The following PRELID2 variants were observed in gnomAD, a reference collection of about 807,000 sequenced individuals.
The protein encoded by PRELID2 is PRELI domain-containing protein 2.
A neutral mutation model predicts 28.4 loss-of-function variants in PRELID2; 25 were observed. The observed-to-expected ratio is 0.88, with a 90% CI of 0.64 to 1.23. The LOEUF (loss-of-function observed/expected upper bound fraction) is 1.23. Among genes scored for constraint, PRELID2 ranks in the 50% most tolerant of loss-of-function variants. The pLI is 0.00. For missense variants in PRELID2, 201 were observed against 214.4 expected (o/e 0.94, Z 0.39); for synonymous variants, 76 against 71.6 (o/e 1.06, Z -0.31).
chr5:145,627,394 T>C (rs772135687), intron 1 of PRELID2, among the ~76,000 whole-genome samples: 23 of 152,060 alleles, frequency 1.5e-4, no homozygotes, highest in Admixed American at 6.6e-5. Context: ...GGGTACAATG[T>C]ACCCTATTCA....
At chr5:145,532,987 G>A (rs982543687) in intron 1 of PRELID2, among the ~76,000 whole-genome samples, 4 of 152,008 alleles carry the variant, frequency 2.6e-5, no homozygotes, top group Non-Finnish European at 4.4e-5. Flanking sequence ...CCAGAAATGG[G>A]ATTTCTAGGT....
At chr5:145,286,696 G>GTTTT in the PRELID2 span, among the ~76,000 whole-genome samples, 20 of 116,996 alleles carry the variant, frequency 1.7e-4, no homozygotes, top group African/African-American at 7.5e-4. Flanking sequence ...CAACATAGAA[G>GTTTT]TTTTTGTTTT....
At chr5:145,671,651 A>G (rs1490435301) in intron 1 of PRELID2, among the ~76,000 whole-genome samples, 1 of 152,212 alleles carries the variant, frequency 6.6e-6, no homozygotes, top group Non-Finnish European at 1.5e-5. Context: ...CATCCACAGC[A>G]GACATCATTA....
rs142711249 is a variant in PRELID2, at chr5:145,531,223, G to A, written n.71-57908C>T. On this transcript the variant is annotated intron_variant and non_coding_transcript_variant, in intron 1 of 2. Coordinates refer to the PRELID2 transcript ENST00000510259. Reference sequence around the variant, plus strand: ...CTGATCTTGTGTATATTGAGGAAGTGGGGGAAGGACACCTCTTGATTCCCC... The same window carrying A: ...CTGATCTTGTGTATATTGAGGAAGTAGGGGAAGGACACCTCTTGATTCCCC... Among the ~76,000 whole-genome samples the A allele has an allele frequency of 6.7e-3, 1,021 of 152,180 alleles. 10 individuals are homozygous for A. The highest frequency in any genetic ancestry group is 0.011 in the Non-Finnish European group (725 of 68,004).
At chr5:145,798,627 T>C (rs1022234198) in intron 4 of PRELID2, among the ~76,000 whole-genome samples, 4 of 152,186 alleles carry the variant, frequency 2.6e-5, no homozygotes, top group African/African-American at 9.7e-5. Flanking sequence ...CCAACCCAAA[T>C]GTCCATCAAT....
intron 1 of PRELID2, among the ~76,000 whole-genome samples, chr5:145,554,420 G>A (rs575092037): frequency 1.2e-4 from 19 of 152,292 alleles, no homozygotes; most frequent in South Asian, 1.0e-3. Context: ...GGACACCACT[G>A]CTAACAGGAA....
In PRELID2 at chr5:145,819,968, C is replaced by T. The variant is rs142301961; in HGVS notation, c.184G>A (p.Val62Met). 6.7e-4 allele frequency: 1,078 copies of T among 1,607,442 alleles called. 5 individuals are homozygous for T. The highest frequency in any genetic ancestry group is 8.3e-4 in the Non-Finnish European group (975 of 1,175,996). Reference protein sequence around the residue: ...YRKRIAICQNVVPEILRKVSI... With the variant: ...YRKRIAICQNMVPEILRKVSI... ...ACCTTCCTTAAAATTTCTGGAACCA[C>T]GTTCTGACAGATTGCAATCCTCTTT... Residue 62 changes from valine (V) to methionine (M), a missense_variant, in exon 3 of 7, where the codon GTG becomes ATG. Physicochemically the swap from Val to Met is conservative, Grantham distance 21. Transcript: ENST00000683046.
chr5:145,765,566 T>A (rs1254497295), intron 5 of PRELID2, among the ~76,000 whole-genome samples: 1 of 152,162 alleles, frequency 6.6e-6, no homozygotes, highest in Non-Finnish European at 1.5e-5. Flanking sequence ...ATGACTGGTA[T>A]GTACAGCGGT....
intron 1 of PRELID2, among the ~76,000 whole-genome samples, chr5:145,493,350 C>T (rs1453841193): frequency 6.6e-6 from 1 of 152,162 alleles, no homozygotes; most frequent in Non-Finnish European, 1.5e-5. Flanking sequence ...TCTCCAAAGT[C>T]CCCATCCAGT....
intron 1 of PRELID2, among the ~76,000 whole-genome samples, chr5:145,679,204 T>G (rs186801144): frequency 3.3e-5 from 5 of 150,340 alleles, no homozygotes; most frequent in Non-Finnish European, 7.4e-5. Flanking sequence ...ATAATTTCTA[T>G]GTTCCCTATT....
At chr5:145,303,393 T>C in the PRELID2 span, among the ~76,000 whole-genome samples, 1 of 152,194 alleles carries the variant, frequency 6.6e-6, no homozygotes, top group African/African-American at 2.4e-5. Context: ...CTTCAGACTG[T>C]CACCCAGAAG....
At chr5:145,629,781 C>T (rs1389295957) in intron 1 of PRELID2, among the ~76,000 whole-genome samples, 2 of 146,896 alleles carry the variant, frequency 1.4e-5, no homozygotes, top group East Asian at 1.9e-4. Context: ...ACCCATCTTG[C>T]ACCATCCTTT....
chr5:145,834,130 G>T (rs1755781188), intron 1 of PRELID2, among the ~76,000 whole-genome samples: 1 of 152,146 alleles, frequency 6.6e-6, no homozygotes, highest in Non-Finnish European at 1.5e-5. Flanking sequence ...TATTGAAATC[G>T]GTTGTAGTAA....
intron 1 of PRELID2, chr5:145,729,209 A>T: frequency 1.3e-6 from 1 of 778,898 alleles, no homozygotes; most frequent in South Asian, 1.5e-5. Context: ...TTTCGGAAGC[A>T]TGCCAGAATG....
At chr5:145,594,138 A>T (rs1019767188) in intron 1 of PRELID2, among the ~76,000 whole-genome samples, 1 of 152,164 alleles carries the variant, frequency 6.6e-6, no homozygotes, top group Admixed American at 6.5e-5. Context: ...CTTGATAAGC[A>T]TCCATAGAGG....
intron 1 of PRELID2, among the ~76,000 whole-genome samples, chr5:145,726,571 G>A (rs541981400): frequency 8.5e-5 from 13 of 152,316 alleles, no homozygotes; most frequent in South Asian, 4.1e-4. Flanking sequence ...ACAGATAGGC[G>A]AATATGTACA....
intron 1 of PRELID2, among the ~76,000 whole-genome samples, chr5:145,501,383 T>C (rs1337505959): frequency 1.3e-5 from 2 of 152,106 alleles, no homozygotes; most frequent in Non-Finnish European, 2.9e-5. Flanking sequence ...GTCTATTCTG[T>C]AGGGGCTTGA....
chr5:145,770,443 G>T (rs1308661375), intron 5 of PRELID2, among the ~76,000 whole-genome samples: 1 of 152,154 alleles, frequency 6.6e-6, no homozygotes, highest in East Asian at 1.9e-4. Flanking sequence ...GTTTGAGGCT[G>T]CAGTGAACTA....
At chr5:145,635,896 A>T (rs1475022124) in intron 1 of PRELID2, among the ~76,000 whole-genome samples, 2 of 152,184 alleles carry the variant, frequency 1.3e-5, no homozygotes, top group African/African-American at 4.8e-5. Flanking sequence ...CCTGCTCTTC[A>T]ATCCTGGATC....
Sources: allele counts gnomAD v4.1 joint callset (sites outside exome capture counted in the v4.1 genomes callset), GRCh38; gene constraint gnomAD v4.1.1; transcripts MANE v1.5; gene names NCBI Gene and HGNC (gene_info 2026-07-23, HGNC 2026-07-21).